The following ACADM variants were observed in gnomAD, a reference collection of about 807,000 sequenced individuals.
The protein encoded by ACADM is medium-chain specific acyl-CoA dehydrogenase, mitochondrial.
In ACADM, 49 loss-of-function variants were observed where a neutral mutation model predicts 58.9. The ratio of observed to expected loss-of-function variants is 0.83; its 90% CI spans 0.66 to 1.06. The LOEUF is 1.06. Among genes scored for constraint, ACADM ranks in the 50% least tolerant of loss-of-function variants. The pLI, the probability that ACADM is intolerant of heterozygous loss-of-function variation, is 0.00. For synonymous variants in ACADM, 160 were observed against 157.7 expected (o/e 1.01, Z -0.11); for missense variants, 496 against 507.0 (o/e 0.98, Z 0.21).
At chr1:75,730,899 G>C (rs1377063764) in intron 2 of ACADM, among the ~76,000 whole-genome samples, 2 of 151,766 alleles carry the variant, frequency 1.3e-5, no homozygotes, top group African/African-American at 4.9e-5. Flanking sequence ...CTGTGATAGA[G>C]AGAACACTGG....
chr1:75,735,199 C>T (rs1025680167), intron 6 of ACADM, among the ~76,000 whole-genome samples: 1 of 151,506 alleles, frequency 6.6e-6, no homozygotes, highest in Non-Finnish European at 1.5e-5. Context: ...GCCTATAATC[C>T]CAGCTGCTCA....
intron 8 of ACADM, among the ~76,000 whole-genome samples, chr1:75,746,467 T>A (rs1183067794): frequency 6.6e-6 from 1 of 152,208 alleles, no homozygotes; most frequent in Non-Finnish European, 1.5e-5. Context: ...TGAAAAGGTT[T>A]GTATTCTGAA....
intron 10 of ACADM, among the ~76,000 whole-genome samples, chr1:75,760,377 G>T (rs1474721406): frequency 6.9e-6 from 1 of 145,958 alleles, no homozygotes; most frequent in Non-Finnish European, 1.5e-5. Context: ...AGCCGATAAC[G>T]CACCACTTCA....
Position 75,733,521 on chromosome 1 carries a change from A to T in ACADM, c.287-7A>T. 1 of 1,606,216 alleles carries T rather than the reference A, an allele frequency of 6.2e-7. No individual in the cohort carries two copies. The highest frequency in any genetic ancestry group is 1.1e-5 in the South Asian group (1 of 90,940). ...TTACAATGTGTTGAAACATTTTGAT[A>T]CTGTAGGAGGTCTTGGACTTGGAAC... On this transcript the variant is annotated splice_region_variant and splice_polypyrimidine_tract_variant and intron_variant, in intron 4 of 11. Transcript: ENST00000370841.
chr1:75,752,011 G>A (rs1247020965), intron 10 of ACADM, among the ~76,000 whole-genome samples: 1 of 56,330 alleles, frequency 1.8e-5, no homozygotes, highest in Non-Finnish European at 3.8e-5. Flanking sequence ...TTTTTTTTTT[G>A]AGACAGGGTC....
At chr1:75,726,279 T>G (rs1352250667) in intron 1 of ACADM, among the ~76,000 whole-genome samples, 1 of 151,228 alleles carries the variant, frequency 6.6e-6, no homozygotes, top group Non-Finnish European at 1.5e-5. Flanking sequence ...CATGGTAGCA[T>G]ATGCCTGTAA....
intron 10 of ACADM, among the ~76,000 whole-genome samples, chr1:75,754,373 A>G (rs1481185801): frequency 6.6e-6 from 1 of 151,614 alleles, no homozygotes; most frequent in Non-Finnish European, 1.5e-5. Flanking sequence ...GCACCCGGCT[A>G]ATTTTCTTTT....
chr1:75,740,320 GTGTAAAATAAAATA>G (rs1647497881), intron 7 of ACADM, among the ~76,000 whole-genome samples: 1 of 152,166 alleles, frequency 6.6e-6, no homozygotes, highest in Non-Finnish European at 1.5e-5. Flanking sequence ...GAAGTTTAAT[GTGTAAAATAAAATA>G]CAAATGCGTG....
At chr1:75,738,073 C>T (rs748799094) in intron 6 of ACADM, among the ~76,000 whole-genome samples, 14 of 151,830 alleles carry the variant, frequency 9.2e-5, no homozygotes, top group South Asian at 2.1e-4. Context: ...CGTGCCACCA[C>T]GCCTGCCTAA....
intron 8 of ACADM, among the ~76,000 whole-genome samples, chr1:75,748,544 TA>T (rs1270677488): frequency 2.0e-5 from 3 of 152,198 alleles, no homozygotes; most frequent in Non-Finnish European, 2.9e-5. Context: ...TACTTAGCAG[TA>T]AAATAAATGA....
chr1:75,739,157 T>C (rs1260098399), intron 6 of ACADM, among the ~76,000 whole-genome samples: 1 of 152,174 alleles, frequency 6.6e-6, no homozygotes, highest in Non-Finnish European at 1.5e-5. Flanking sequence ...TCTTCCTCTT[T>C]TTCCCTCCTC....
At chr1:75,759,006 T>C (rs1210795115) in intron 10 of ACADM, among the ~76,000 whole-genome samples, 1 of 152,190 alleles carries the variant, frequency 6.6e-6, no homozygotes, top group Non-Finnish European at 1.5e-5. Context: ...TTAAGAGCTG[T>C]AACACTTGCC....
chr1:75,749,438 G>T lies in ACADM; in HGVS notation c.728G>T (p.Arg243Leu). 1 of 1,613,946 alleles carries T rather than the reference G, an allele frequency of 6.2e-7. No individual in the cohort carries two copies. The highest frequency in any genetic ancestry group is 8.5e-7 in the Non-Finnish European group (1 of 1,179,910). ...TATTAGGAATTAAACATGGGCCAGCGATGTTCAGATACTAGAGGAATTGTC... is the reference window on the plus strand; with the variant it reads ...TATTAGGAATTAAACATGGGCCAGCTATGTTCAGATACTAGAGGAATTGTC... Reference protein sequence around the residue: ...IGRKELNMGQRCSDTRGIVFE... With the variant: ...IGRKELNMGQLCSDTRGIVFE... The change falls in exon 9 of 12, where the codon CGA (arginine) becomes CTA (leucine). Residue 243 changes from arginine to leucine, a missense_variant. Transcript: ENST00000370841.
intron 8 of ACADM, among the ~76,000 whole-genome samples, chr1:75,749,115 T>C (rs1648058080): frequency 6.6e-6 from 1 of 152,246 alleles, no homozygotes; most frequent in South Asian, 2.1e-4. Flanking sequence ...AACATTGTTT[T>C]AGATTATGGT....
intron 7 of ACADM, among the ~76,000 whole-genome samples, chr1:75,743,009 G>A (rs1400464656): frequency 6.6e-6 from 1 of 152,206 alleles, no homozygotes; most frequent in Non-Finnish European, 1.5e-5. Flanking sequence ...GGGAGGCACA[G>A]CATCCTCCTA....
At chr1:75,752,995 A>T (rs1648288091) in intron 10 of ACADM, among the ~76,000 whole-genome samples, 1 of 152,176 alleles carries the variant, frequency 6.6e-6, no homozygotes, top group Admixed American at 6.5e-5. Flanking sequence ...ATCCTGTATC[A>T]CAGAGCTCGT....
chr1:75,751,199 G>A (rs1301060620), intron 10 of ACADM, among the ~76,000 whole-genome samples: 2 of 151,338 alleles, frequency 1.3e-5, no homozygotes, highest in East Asian at 4.1e-4. Context: ...AATTAGCCGA[G>A]CATGGTGGTG....
chr1:75,724,951 C>A (rs1647025226), intron 1 of ACADM, 134 bp downstream of exon 1: 17 of 832,896 alleles, frequency 2.0e-5, no homozygotes, highest in Non-Finnish European at 2.7e-5. Flanking sequence ...AGCCTAGGGG[C>A]CCCCAACCTG....
At chr1:75,752,293 G>T (rs1479810199) in intron 10 of ACADM, among the ~76,000 whole-genome samples, 1 of 152,036 alleles carries the variant, frequency 6.6e-6, no homozygotes, top group Non-Finnish European at 1.5e-5. Flanking sequence ...AACTATTTGT[G>T]GTGAAAGACC....
Sources: gnomAD v4.1 joint callset for allele counts (sites outside exome capture counted in the v4.1 genomes callset) on GRCh38, gnomAD v4.1.1 for gene constraint, MANE v1.5 for transcripts, NCBI Gene and HGNC (gene_info 2026-07-23, HGNC 2026-07-21) for gene names.